Variants in FRAS1 observed in about 807,000 individuals in gnomAD.
The protein encoded by FRAS1 is Fraser extracellular matrix complex subunit 1, also known as extracellular matrix organizing protein FRAS1.
In FRAS1, 290 loss-of-function variants were observed where a neutral mutation model predicts 435.2. The ratio of observed to expected loss-of-function variants is 0.67; its 90% CI spans 0.61 to 0.73. The LOEUF (loss-of-function observed/expected upper bound fraction) is 0.73, where lower values mean the gene tolerates loss of function less well. Among genes scored for constraint, FRAS1 ranks in the 30% least tolerant of loss-of-function variants. The pLI is 0.00. For missense variants in FRAS1, 4,860 were observed against 5,001.5 expected (o/e 0.97, Z 0.85); for synonymous variants, 1,800 against 1,851.0 (o/e 0.97, Z 0.71).
intron 28 of FRAS1, among the ~76,000 whole-genome samples, chr4:78,386,939 A>G (rs1341519614): frequency 6.6e-6 from 1 of 152,198 alleles, no homozygotes; most frequent in Non-Finnish European, 1.5e-5. Flanking sequence ...GGGAGGGACT[A>G]GAAACAGCAT....
chr4:78,065,081 T>TATATATATATATACATACACACACAC (rs762909923), intron 1 of FRAS1, among the ~76,000 whole-genome samples: 3 of 125,696 alleles, frequency 2.4e-5, no homozygotes, highest in African/African-American at 9.1e-5. Context: ...TATATATATA[T>TATATATATATATACATACACACACAC]ATACATACAC....
At chr4:78,458,235 C>T (rs953077649) in intron 47 of FRAS1, among the ~76,000 whole-genome samples, 4 of 152,128 alleles carry the variant, frequency 2.6e-5, no homozygotes, top group East Asian at 3.9e-4. Flanking sequence ...AGTTTTCTAT[C>T]GTTGTGGAGG....
chr4:78,375,042 T>C (rs1731698974), intron 25 of FRAS1, among the ~76,000 whole-genome samples: 1 of 152,168 alleles, frequency 6.6e-6, no homozygotes, highest in Non-Finnish European at 1.5e-5. Context: ...CTTTAAACTA[T>C]ACCGTATAGC....
intron 2 of FRAS1, among the ~76,000 whole-genome samples, chr4:78,116,754 A>C (rs1743217733): frequency 6.6e-6 from 1 of 152,158 alleles, no homozygotes; most frequent in Admixed American, 6.6e-5. Context: ...ACCTGAATAC[A>C]GCACACTGAT....
At chr4:78,379,558 A>C in intron 26 of FRAS1, 168 bp from the exon 27 acceptor site, 1 of 666,296 alleles carries the variant, frequency 1.5e-6, no homozygotes. Context: ...GTAATGCTAT[A>C]AACTCCAGCA....
intron 6 of FRAS1, among the ~76,000 whole-genome samples, chr4:78,260,342 A>G (rs1374068969): frequency 6.6e-6 from 1 of 152,066 alleles, no homozygotes; most frequent in Non-Finnish European, 1.5e-5. Flanking sequence ...TGAGCATGGA[A>G]TGTTCTTCCA....
chr4:78,168,362 C>T (rs1005225274), intron 2 of FRAS1, among the ~76,000 whole-genome samples: 1 of 152,038 alleles, frequency 6.6e-6, no homozygotes, highest in Admixed American at 6.6e-5. Context: ...CTGGATTTAC[C>T]AAAGAGGACA....
chr4:78,418,951 T>A lies in FRAS1; in HGVS notation c.4428T>A (p.Ala1476=), dbSNP rs757763605. The A allele has an allele frequency of 6.3e-7, 1 of 1,583,912 alleles. No individual in the cohort carries two copies. Among genetic ancestry groups the A allele is most frequent in the Non-Finnish European group, 8.6e-7 (1 of 1,158,216 alleles). ...VSLEASLHMT[A]REDGLTVIQP... ...CTTCCTTCTTAAACTTTGTTTAGGC[T>A]AGAGAAGATGGCCTGACTGTTATTC... Residue 1476 remains alanine, a splice_region_variant and synonymous_variant, in exon 33 of 74, where the codon GCT becomes GCA. Coordinates refer to ENST00000512123, the MANE Select transcript of FRAS1 (RefSeq NM_025074.7).
intron 59 of FRAS1, among the ~76,000 whole-genome samples, 155 bp from the exon 60 acceptor site, chr4:78,496,650 A>C (rs1720515806): frequency 6.6e-6 from 1 of 152,234 alleles, no homozygotes; most frequent in Non-Finnish European, 1.5e-5. Flanking sequence ...GAACTGTTAA[A>C]TTTGAACATT....
chr4:78,237,519 A>C lies in FRAS1; in HGVS notation c.118A>C (p.Ile40Leu), dbSNP rs751533644. 28 of 1,613,080 alleles carry C rather than the reference A, an allele frequency of 1.7e-5. No individual in the cohort carries two copies. Among genetic ancestry groups the C allele is most frequent in the Non-Finnish European group, 2.4e-5 (28 of 1,179,356 alleles). Residue 40 changes from isoleucine to leucine, a missense_variant, in exon 3 of 74, where the codon ATT becomes CTT. Physicochemically the swap from Ile to Leu is conservative, Grantham distance 5. Coordinates refer to ENST00000512123, the MANE Select transcript of FRAS1 (RefSeq NM_025074.7). ...TTATGCCTCTTTACAGGATGCCACA[A>C]TTTGGAAGCCCGATTCATGCCAGAG... The part of the protein sequence containing the change: ...YQDSLLADAT[I>L]WKPDSCQSCR...
chr4:78,516,985 G>T (rs528954134), intron 66 of FRAS1, among the ~76,000 whole-genome samples: 1 of 152,186 alleles, frequency 6.6e-6, no homozygotes, highest in Non-Finnish European at 1.5e-5. Context: ...TTATATCAAA[G>T]GGCCAGTGAG....
chr4:78,131,020 A>G (rs560921370), intron 2 of FRAS1, among the ~76,000 whole-genome samples: 9 of 152,146 alleles, frequency 5.9e-5, no homozygotes, highest in Non-Finnish European at 8.8e-5. Flanking sequence ...ATATTTTCTG[A>G]CTTCTTTCAG....
intron 27 of FRAS1, among the ~76,000 whole-genome samples, chr4:78,381,575 C>G (rs913241879): frequency 1.3e-5 from 2 of 152,216 alleles, no homozygotes; most frequent in African/African-American, 2.4e-5. Flanking sequence ...CATGTGTGAG[C>G]TGCAACACCT....
chr4:78,256,435 T>A (rs888635090), intron 6 of FRAS1, among the ~76,000 whole-genome samples: 1 of 152,166 alleles, frequency 6.6e-6, no homozygotes, highest in Non-Finnish European at 1.5e-5. Context: ...ATTAAGCCCA[T>A]TTTGGGGCCT....
chr4:78,529,789 G>A (rs1316793250), intron 70 of FRAS1, among the ~76,000 whole-genome samples: 1 of 152,190 alleles, frequency 6.6e-6, no homozygotes, highest in Non-Finnish European at 1.5e-5. Flanking sequence ...TTCCAGGCAG[G>A]ATGGAGCAGA....
At chr4:78,449,214 C>T (rs934713029) in intron 44 of FRAS1, among the ~76,000 whole-genome samples, 1 of 152,198 alleles carries the variant, frequency 6.6e-6, no homozygotes, top group African/African-American at 2.4e-5. Context: ...GCTCCCTCTG[C>T]CATCCCAGTC....
intron 29 of FRAS1, among the ~76,000 whole-genome samples, chr4:78,393,962 T>A (rs1340631236): frequency 1.3e-5 from 2 of 152,022 alleles, no homozygotes; most frequent in African/African-American, 4.8e-5. Context: ...TTTGCCTTTT[T>A]CTCATGATTA....
chr4:78,116,867 G>A (rs112852828), intron 2 of FRAS1, among the ~76,000 whole-genome samples: 15 of 152,302 alleles, frequency 9.8e-5, no homozygotes, highest in African/African-American at 3.4e-4. Context: ...ATTTGATCCT[G>A]TCATTATGAT....
chr4:78,318,836 A>T lies in FRAS1; in HGVS notation c.1987A>T (p.Met663Leu), dbSNP rs768298921. ...CTGTCACTCCTCCTGCCTGGCTTGT[A>T]TGGGTCCCGCACCCTCTCACTGTAC... ...KACHSSCLAC[M>L]GPAPSHCTGC... Residue 663 changes from methionine to leucine, a missense_variant, in exon 18 of 74, where the codon ATG becomes TTG. Coordinates refer to ENST00000512123, the MANE Select transcript of FRAS1 (RefSeq NM_025074.7). 1 of 1,598,226 alleles carries T rather than the reference A, an allele frequency of 6.3e-7. No individual in the cohort carries two copies. Among genetic ancestry groups the T allele is most frequent in the Non-Finnish European group, 8.5e-7 (1 of 1,171,178 alleles).
Sources: allele counts gnomAD v4.1 joint callset (sites outside exome capture counted in the v4.1 genomes callset), GRCh38; gene constraint gnomAD v4.1.1; transcripts MANE v1.5; gene names NCBI Gene and HGNC (gene_info 2026-07-23, HGNC 2026-07-21).